The following TM6SF1 variants were observed in gnomAD, a reference collection of about 807,000 sequenced individuals.
TM6SF1 encodes the protein transmembrane 6 superfamily member 1.
Under a neutral mutation model 47.1 loss-of-function variants are expected in TM6SF1, and 43 were observed. That is an observed-to-expected ratio of 0.91 (90% CI 0.72 to 1.18). TM6SF1 has a LOEUF of 1.18. Among genes scored for constraint, TM6SF1 ranks in the 50% most tolerant of loss-of-function variants. The pLI is 0.00. For synonymous variants in TM6SF1, 177 were observed against 166.3 expected (o/e 1.06, Z -0.49); for missense variants, 390 against 449.0 (o/e 0.87, Z 1.19).
In TM6SF1 at chr15:83,121,974, T is replaced by G. The variant is rs913249337; in HGVS notation, c.452T>G (p.Val151Gly). The change falls in exon 5 of 10, where the codon GTT (valine) becomes GGT (glycine). Residue 151 changes from valine (V) to glycine (G), a missense_variant. Val to Gly is a moderately radical substitution (Grantham distance 109). Coordinates refer to ENST00000322019, the MANE Select transcript of TM6SF1 (RefSeq NM_023003.5). ...LYWVGSIIMS[V>G]VVFVPGNIVG... ...TGGGTTGGATCTATTATTATGAGTG[T>G]TGTTGTTTTTGTGCCAGGAAACATT... 34 of 1,611,514 alleles carry G rather than the reference T, an allele frequency of 2.1e-5. No individual in the cohort carries two copies. The highest frequency in any genetic ancestry group is 3.3e-5 in the South Asian group (3 of 89,996).
In TM6SF1 at chr15:83,136,862, AAC is replaced by A. The variant is rs1255733002; in HGVS notation, c.*192_*193del. On this transcript the variant is annotated 3_prime_UTR_variant, in exon 10 of 10. Transcript: ENST00000322019. ...TGAAGGAAAATGGAAATTCTTGAGAAACAGTTTGTTTAAAGAAATATATTCAA... is the reference window on the plus strand; with the variant it reads ...TGAAGGAAAATGGAAATTCTTGAGAAAGTTTGTTTAAAGAAATATATTCAA... 1.2e-5 allele frequency: 5 copies of A among 412,188 alleles called. No individual in the cohort carries two copies. Among genetic ancestry groups the A allele is most frequent in the Admixed American group, 4.1e-5 (1 of 24,530 alleles). 25.5% of individuals were successfully genotyped at this position (412,188 alleles called of 1,614,324 possible). A position where few individuals can be genotyped will look rare whatever the true frequency, so the allele number is the denominator to read the frequency against.
At chr15:83,121,787 T>A in intron 4 of TM6SF1, 134 bp from the exon 5 acceptor site, 1 of 669,820 alleles carries the variant, frequency 1.5e-6, no homozygotes. Flanking sequence ...GTTTGATTTA[T>A]TCCTCTCAAT....
chr15:83,135,017 A>T lies in TM6SF1; in HGVS notation c.922-1464A>T, dbSNP rs978374868. 4.6e-5 allele frequency: 7 copies of T among 152,264 alleles called. No homozygotes were observed. The East Asian group carries it at 1.2e-3, about 25-fold the overall frequency. The allele number at this position is 152,264 out of a possible 1,614,324, so 9.4% of individuals were successfully genotyped here. A position where few individuals can be genotyped will look rare whatever the true frequency, so the allele number is the denominator to read the frequency against. On this transcript the variant is annotated intron_variant, in intron 9 of 9. Coordinates refer to ENST00000322019, the MANE Select transcript of TM6SF1 (RefSeq NM_023003.5). ...TTCTGCCTGGGCATCTACCCAGGGG[A>T]GTTGTATCTGAGGGCCGAGTCCTCT...
At chr15:83,129,783 T>A (rs1158455014) in intron 9 of TM6SF1, 1 of 152,346 alleles carries the variant, frequency 6.6e-6, no homozygotes, top group African/African-American at 2.4e-5. Context: ...TTTATTAGGC[T>A]GAGCCTCTCC....
In TM6SF1 at chr15:83,126,880, A is replaced by T. The variant is rs759994540; in HGVS notation, c.801+33A>T. ...AGTTATGAAGCCTAAGATTTTTCTA[A>T]AATTAATTTTCTTTTTAAAAAATGG... On this transcript the variant is annotated intron_variant, in intron 8 of 9. Coordinates refer to ENST00000322019, the MANE Select transcript of TM6SF1 (RefSeq NM_023003.5). 4 of 1,554,596 alleles carry T rather than the reference A, an allele frequency of 2.6e-6. No homozygotes were observed. In the Admixed American group the frequency reaches 7.2e-5, roughly 28 times the overall value.
At chr15:83,133,079 A>T (rs1008467573) in intron 9 of TM6SF1, 2 of 152,208 alleles carry the variant, frequency 1.3e-5, no homozygotes, top group East Asian at 3.8e-4. Context: ...CTGAACCCTC[A>T]TAACAACCTA....
At chr15:83,108,096 G>A (rs1403741493) in intron 1 of TM6SF1, among the ~76,000 whole-genome samples, 1 of 152,194 alleles carries the variant, frequency 6.6e-6, no homozygotes, top group Non-Finnish European at 1.5e-5. Context: ...GTGGGGAGCG[G>A]AACAAACACG....
In TM6SF1 at chr15:83,122,894, T is replaced by G. The variant is rs2035404102; in HGVS notation, c.603+16T>G. On this transcript the variant is annotated intron_variant, in intron 6 of 9. Coordinates refer to ENST00000322019, the MANE Select transcript of TM6SF1 (RefSeq NM_023003.5). ...CCCCTCAAAGGTGATTTTATTAAGCTTTGATGTACCCTGTTCTCAAACTCA... is the reference window on the plus strand; with the variant it reads ...CCCCTCAAAGGTGATTTTATTAAGCGTTGATGTACCCTGTTCTCAAACTCA... The G allele has an allele frequency of 6.2e-7, 1 of 1,613,630 alleles. No homozygotes were observed. The highest frequency in any genetic ancestry group is 1.1e-5 in the South Asian group (1 of 90,950).
At chr15:83,111,740 C>A in intron 1 of TM6SF1, 1 of 952,748 alleles carries the variant, frequency 1.0e-6, no homozygotes, top group Non-Finnish European at 1.2e-6. Flanking sequence ...GAAGCCCTGT[C>A]AGTGCTGGAG....
intron 3 of TM6SF1, 92 bp from the exon 4 acceptor site, chr15:83,119,486 T>G: frequency 8.0e-7 from 1 of 1,247,066 alleles, no homozygotes; most frequent in Non-Finnish European, 1.2e-6. Context: ...CACAAGTTAG[T>G]TCTGCTGTTT....
intron 9 of TM6SF1, chr15:83,127,920 G>T: frequency 6.3e-6 from 1 of 159,032 alleles, no homozygotes; most frequent in Non-Finnish European, 1.4e-5. Context: ...AAATGTTCTG[G>T]GCCTGTCATT....
chr15:83,126,574 T>C (rs1355373315), intron 7 of TM6SF1, among the ~76,000 whole-genome samples, 181 bp from the exon 8 acceptor site: 1 of 152,196 alleles, frequency 6.6e-6, no homozygotes, highest in Non-Finnish European at 1.5e-5. Context: ...TAATTAACCT[T>C]TGCTTAGTCT....
intron 1 of TM6SF1, 175 bp from the exon 2 acceptor site, chr15:83,112,622 G>C (rs2034289799): frequency 3.2e-6 from 2 of 618,188 alleles, no homozygotes; most frequent in Non-Finnish European, 5.8e-6. Flanking sequence ...GCCCAGATGG[G>C]CCAAAGAGCT....
At chr15:83,122,939 C>G in intron 6 of TM6SF1, 61 bp downstream of exon 6, 1 of 1,591,978 alleles carries the variant, frequency 6.3e-7, no homozygotes, top group Middle Eastern at 1.7e-4. Context: ...TTCGCATCCA[C>G]TGGCCACTGA....
intron 8 of TM6SF1, 137 bp from the exon 9 acceptor site, chr15:83,127,221 A>T (rs2035849795): frequency 5.6e-5 from 11 of 197,884 alleles, no homozygotes; most frequent in South Asian, 4.4e-4. Context: ...AAATAAAAGT[A>T]AAAAAAAAAA....
chr15:83,134,827 C>T (rs930707541), intron 9 of TM6SF1: 1 of 152,218 alleles, frequency 6.6e-6, no homozygotes, highest in Non-Finnish European at 1.5e-5. Context: ...CAGAAAAACA[C>T]TATTATTCAA....
chr15:83,115,997 C>G, intron 3 of TM6SF1, 55 bp downstream of exon 3: 1 of 1,321,932 alleles, frequency 7.6e-7, no homozygotes, highest in Non-Finnish European at 1.1e-6. Context: ...CAACCCAGAT[C>G]ACATTACTCA....
intron 9 of TM6SF1, chr15:83,134,606 C>T (rs1297227780): frequency 2.6e-5 from 4 of 152,166 alleles, no homozygotes; most frequent in Non-Finnish European, 5.9e-5. Flanking sequence ...AAAGAGCCTA[C>T]GGAATCACTG....
rs192604954 is a variant in TM6SF1 at position 83,124,513 on chromosome 15, A to G, written c.604-159A>G. Among the ~76,000 whole-genome samples, 96 of 152,320 alleles carry G rather than the reference A, an allele frequency of 6.3e-4. 1 individual carries two copies. The highest frequency in any genetic ancestry group is 2.3e-3 in the African/African-American group (94 of 41,582). Reference sequence around the variant, plus strand: ...CAGATAAGGAAATTGAGACTTGAGGAAGGAAATGATTTTCCTAAAGTTCCA... The same window carrying G: ...CAGATAAGGAAATTGAGACTTGAGGGAGGAAATGATTTTCCTAAAGTTCCA... On this transcript the variant is annotated intron_variant, in intron 6 of 9. Coordinates refer to ENST00000322019, the MANE Select transcript of TM6SF1 (RefSeq NM_023003.5).
Sources: allele counts gnomAD v4.1 joint callset (sites outside exome capture counted in the v4.1 genomes callset), GRCh38; gene constraint gnomAD v4.1.1; transcripts MANE v1.5; gene names NCBI Gene and HGNC (gene_info 2026-07-23, HGNC 2026-07-21).